CP: variants seen among roughly 807,000 people sequenced by gnomAD.
CP encodes the protein caeruloplasmin.
CP carries 64 observed loss-of-function variants against 122.4 expected under a neutral mutation model. That is an observed-to-expected ratio of 0.52 (90% confidence interval 0.43 to 0.64). The LOEUF (loss-of-function observed/expected upper bound fraction) is 0.64, where lower values mean the gene tolerates loss of function less well. Among genes scored for constraint, CP ranks in the 30% least tolerant of loss-of-function variants. The pLI is 0.00. For missense variants in CP, 1,167 were observed against 1,284.4 expected, an observed-to-expected ratio of 0.91 and a Z score of 1.40; for synonymous variants, 440 against 436.4, an observed-to-expected ratio of 1.01 and a Z score of -0.10.
chr3:149,181,761 C>T lies in CP; in HGVS notation c.2554+244G>A, dbSNP rs201986093. Among the ~76,000 whole-genome samples, 20 of 152,244 alleles carry T rather than the reference C, an allele frequency of 1.3e-4. No homozygotes were observed. In the East Asian group the frequency reaches 1.9e-3, roughly 15 times the overall value. The stretch of plus-strand genomic sequence containing the variant: ...GAGGAGACAGCATCTCTCTGATTCA[C>T]GCTTGAGGATTCATAGATGTCTACT... On this transcript the variant is annotated intron_variant, in intron 14 of 18. Coordinates refer to ENST00000264613, the MANE Select transcript of CP (RefSeq NM_000096.4).
intron 6 of CP, among the ~76,000 whole-genome samples, chr3:149,204,868 T>C (rs1727596696): frequency 6.6e-6 from 1 of 152,148 alleles, no homozygotes; most frequent in Non-Finnish European, 1.5e-5. Context: ...CATTCAGACA[T>C]GTACAAAGAG....
At chr3:149,197,080 A>G (rs1726940236) in intron 9 of CP, among the ~76,000 whole-genome samples, 1 of 151,804 alleles carries the variant, frequency 6.6e-6, no homozygotes, top group African/African-American at 2.4e-5. Flanking sequence ...CCTGCCAGAG[A>G]ACAAACCCCC....
intron 2 of CP, 32 bp downstream of exon 2, chr3:149,212,419 G>A: frequency 6.2e-7 from 1 of 1,612,876 alleles, no homozygotes. Flanking sequence ...TGAAAAGTAA[G>A]AGGAAATTCC....
At position 149,209,391 on chromosome 3, in the gene CP, T is replaced by A; in HGVS notation, c.608-7A>T. 6.2e-7 allele frequency: 1 copy of A among 1,611,976 alleles called. No individual in the cohort carries two copies. Among genetic ancestry groups the A allele is most frequent in the Non-Finnish European group, 8.5e-7 (1 of 1,178,454 alleles). On this transcript the variant is annotated splice_region_variant and splice_polypyrimidine_tract_variant and intron_variant, in intron 3 of 18. Coordinates refer to ENST00000264613, the MANE Select transcript of CP (RefSeq NM_000096.4). The stretch of plus-strand genomic sequence containing the variant: ...TTTTCTTTATCTAGAGAATCTGGAG[T>A]TAAAGTTACTATTTTAGCAAGACTA...
intron 7 of CP, among the ~76,000 whole-genome samples, chr3:149,200,802 G>T (rs887749408): frequency 1.3e-5 from 2 of 151,932 alleles, no homozygotes; most frequent in African/African-American, 4.8e-5. Flanking sequence ...GAGCCACCGC[G>T]CCCAGCCAAG....
intron 5 of CP, among the ~76,000 whole-genome samples, chr3:149,165,352 G>A (rs1724308653): frequency 6.6e-6 from 1 of 152,120 alleles, no homozygotes; most frequent in Admixed American, 6.6e-5. Context: ...GTATAATTCA[G>A]TGATCTTTTA....
chr3:149,180,410 T>C (rs998961589), intron 14 of CP, among the ~76,000 whole-genome samples: 5 of 152,222 alleles, frequency 3.3e-5, no homozygotes, highest in Admixed American at 6.5e-5. Flanking sequence ...TTTTCTCCAG[T>C]CTGATCTGCG....
At chr3:149,181,976 A>AGGG in intron 14 of CP, 29 bp downstream of exon 14, 13 of 561,798 alleles carry the variant, frequency 2.3e-5, no homozygotes, top group Non-Finnish European at 4.3e-5. Flanking sequence ...GTTAAAATGC[A>AGGG]CCACCCCCAC....
At chr3:149,162,786 G>A in exon 6 of CP, 4 of 1,614,006 alleles carry the variant, frequency 2.5e-6, no homozygotes, top group Non-Finnish European at 3.4e-6. Context: ...GGTACTTCAG[G>A]AACTCTTTTT....
intron 6 of CP, among the ~76,000 whole-genome samples, chr3:149,204,757 C>A (rs1727589338): frequency 6.6e-6 from 1 of 152,098 alleles, no homozygotes; most frequent in African/African-American, 2.4e-5. Context: ...GGAGTGGCAT[C>A]ATCTCATTGA....
At chr3:149,166,976 G>T in intron 4 of CP, 1 of 1,293,542 alleles carries the variant, frequency 7.7e-7, no homozygotes, top group South Asian at 1.2e-5. Flanking sequence ...AATTCTGCAT[G>T]TTGTGTTTTA....
Position 149,210,262 on chromosome 3 carries a change from T to C in CP, c.512A>G (p.Asp171Gly). ...ATEEQSPGEG[D>G]GNCVTRIYHS... Reference sequence around the variant, plus strand: ...GTAAATCCTAGTCACACAATTGCCATCTCCTTCCCCAGGACTTTGTTCTTC... The same window carrying C: ...GTAAATCCTAGTCACACAATTGCCACCTCCTTCCCCAGGACTTTGTTCTTC... The change falls in exon 3 of 19, where the codon GAT becomes GGT. Residue 171 changes from aspartate to glycine, a missense_variant. By Grantham distance (94) the Asp-to-Gly change is moderately conservative. This residue lies in a region of CP where 642 missense variants were observed against 627.3 expected (regional missense o/e 1.02). Coordinates refer to ENST00000264613, the MANE Select transcript of CP (RefSeq NM_000096.4). The C allele has an allele frequency of 6.2e-7, 1 of 1,614,068 alleles. No individual in the cohort carries two copies. The highest frequency in any genetic ancestry group is 8.5e-7 in the Non-Finnish European group (1 of 1,179,950).
chr3:149,200,373 T>C (rs1318025532), intron 7 of CP, among the ~76,000 whole-genome samples: 1 of 152,194 alleles, frequency 6.6e-6, no homozygotes, highest in Non-Finnish European at 1.5e-5. Context: ...CAAAATGACA[T>C]TTATAGAGAG....
chr3:149,185,554 T>C, intron 11 of CP, 108 bp from the exon 12 acceptor site: 1 of 1,016,320 alleles, frequency 9.8e-7, no homozygotes, highest in Non-Finnish European at 1.5e-6. Context: ...TCAGGTGATC[T>C]AGCTTTCCAC....
chr3:149,183,367 T>C, intron 13 of CP, 99 bp downstream of exon 13: 1 of 1,294,016 alleles, frequency 7.7e-7, no homozygotes. Context: ...CTTTGATATA[T>C]GAACCAAGAA....
Position 149,177,903 on chromosome 3 carries a change from C to T in CP, c.2955G>A (p.Met985Ile). ...GTAAGTCTATTTCATTGCCCATTCC[C>T]ATCAGATACCAGTTGACTTCATCTC... ...HVGDEVNWYL[M>I]GMGNEIDLHT... The change falls in exon 17 of 19, where the codon ATG (methionine) becomes ATA (isoleucine). Residue 985 changes from methionine to isoleucine, a missense_variant. Transcript: ENST00000264613. 2 of 1,613,724 alleles carry T rather than the reference C, an allele frequency of 1.2e-6. No individual in the cohort carries two copies. Among genetic ancestry groups the T allele is most frequent in the African/African-American group, 2.7e-5 (2 of 75,034 alleles).
intron 2 of CP, 143 bp downstream of exon 2, chr3:149,212,308 T>TAAAAAAAAAA: frequency 2.4e-6 from 2 of 838,888 alleles, no homozygotes; most frequent in Middle Eastern, 3.9e-4. Context: ...TCAAAAAAAA[T>TAAAAAAAAAA]TAAAAAAAAA....
intron 10 of CP, among the ~76,000 whole-genome samples, chr3:149,187,315 A>C (rs1265695318): frequency 1.3e-5 from 2 of 152,234 alleles, no homozygotes; most frequent in Non-Finnish European, 2.9e-5. Flanking sequence ...AGCTTAAAAA[A>C]AAATCAGTTT....
At chr3:149,164,876 G>A (rs1332362704) in intron 5 of CP, among the ~76,000 whole-genome samples, 2 of 152,074 alleles carry the variant, frequency 1.3e-5, no homozygotes, top group East Asian at 1.9e-4. Flanking sequence ...CATTTGATTG[G>A]CCTCTTTAGG....
Sources: gnomAD v4.1 joint callset for allele counts (sites outside exome capture counted in the v4.1 genomes callset) on GRCh38, gnomAD v4.1.1 for gene constraint, gnomAD v4.1.1 regional missense constraint, MANE v1.5 for transcripts, NCBI Gene and HGNC (gene_info 2026-07-23, HGNC 2026-07-21) for gene names.